Variants in LPCAT1 observed in about 807,000 individuals in gnomAD.
LPCAT1 encodes the protein lysophosphatidylcholine acyltransferase 1.
A neutral mutation model predicts 60.9 loss-of-function variants in LPCAT1; 23 were observed. The ratio of observed to expected loss-of-function variants is 0.38; its 90% confidence interval spans 0.27 to 0.53. The LOEUF is 0.53. Among genes scored for constraint, LPCAT1 ranks in the 20% least tolerant of loss-of-function variants. The pLI is 0.82. For missense variants in LPCAT1, 622 were observed against 723.6 expected (o/e 0.86, Z 1.61); for synonymous variants, 340 against 301.1 (o/e 1.13, Z -1.34).
chr5:1,505,481 G>C (rs1361549230), intron 1 of LPCAT1, among the ~76,000 whole-genome samples: 4 of 152,266 alleles, frequency 2.6e-5, no homozygotes, highest in Non-Finnish European at 5.9e-5. Context: ...AACAGCTCCG[G>C]GGCTGGGGGA....
intron 1 of LPCAT1, among the ~76,000 whole-genome samples, chr5:1,514,252 G>T (rs1344986720): frequency 6.6e-6 from 1 of 152,258 alleles, no homozygotes; most frequent in Non-Finnish European, 1.5e-5. Flanking sequence ...GCCAGGCACA[G>T]GGAGGCCCCA....
At chr5:1,497,578 C>T (rs146205839) in intron 2 of LPCAT1, among the ~76,000 whole-genome samples, 4 of 152,232 alleles carry the variant, frequency 2.6e-5, no homozygotes, top group Admixed American at 1.3e-4. Flanking sequence ...TGGTGATCCA[C>T]GTGGACTGGC....
chr5:1,509,525 G>A (rs1011815342), intron 1 of LPCAT1, among the ~76,000 whole-genome samples: 2 of 152,112 alleles, frequency 1.3e-5, no homozygotes, highest in African/African-American at 4.8e-5. Context: ...CCATCGGACG[G>A]AGCCGGCACT....
Position 1,480,390 on chromosome 5 carries a change from C to T in LPCAT1, c.761+552G>A. On this transcript the variant is annotated intron_variant, in intron 7 of 13. Coordinates refer to ENST00000283415, the MANE Select transcript of LPCAT1 (RefSeq NM_024830.5). This position sits in a 1 kb window ranked among gnomAD's most constrained non-coding sequence, Gnocchi z 6.4. The stretch of plus-strand genomic sequence containing the variant: ...CTCTTGGACTTTCCCGCTCCCTCTG[C>T]CCTCCCGACGTCAGCTCAGACGTCA... 1.0e-6 allele frequency: 1 copy of T among 985,328 alleles called. No individual in the cohort carries two copies. The highest frequency in any genetic ancestry group is 1.2e-6 in the Non-Finnish European group (1 of 829,878). 61.0% of individuals were successfully genotyped at this position (985,328 alleles called of 1,614,324 possible). A position where few individuals can be genotyped will look rare whatever the true frequency, so the allele number is the denominator to read the frequency against.
intron 3 of LPCAT1, among the ~76,000 whole-genome samples, chr5:1,494,344 C>T (rs567769070): frequency 6.6e-6 from 1 of 152,298 alleles, no homozygotes; most frequent in Admixed American, 6.5e-5. Context: ...ACAGGAAACC[C>T]CAACACAGAA....
At chr5:1,499,210 T>C (rs1317515340) in intron 2 of LPCAT1, among the ~76,000 whole-genome samples, 1 of 152,138 alleles carries the variant, frequency 6.6e-6, no homozygotes, top group East Asian at 1.9e-4. Context: ...AAACGGAAAA[T>C]TGCCCCAAGC....
rs1579743309 is a variant in LPCAT1 at position 1,463,568 on chromosome 5, C to T, written c.*83G>A. ...GTGCCTGTACAGCAGGAGTGAGGAG[C>T]GGAGCCCAGAGGTCACTCGCAAAGA... On this transcript the variant is annotated 3_prime_UTR_variant, in exon 14 of 14. Coordinates refer to ENST00000283415, the MANE Select transcript of LPCAT1 (RefSeq NM_024830.5). The T allele has an allele frequency of 3.4e-6, 5 of 1,456,296 alleles. No individual in the cohort carries two copies. The South Asian group carries it at 3.8e-5, about 11-fold the overall frequency. 90.2% of individuals were successfully genotyped at this position (1,456,296 alleles called of 1,614,324 possible).
chr5:1,499,422 C>T (rs1351002052), intron 2 of LPCAT1, among the ~76,000 whole-genome samples: 1 of 152,208 alleles, frequency 6.6e-6, no homozygotes, highest in Non-Finnish European at 1.5e-5. Flanking sequence ...ACAGAACCCC[C>T]ACTTTCTAGC....
chr5:1,515,802 A>G (rs1736491185), intron 1 of LPCAT1, among the ~76,000 whole-genome samples: 1 of 152,010 alleles, frequency 6.6e-6, no homozygotes, highest in East Asian at 2.0e-4. Flanking sequence ...TGTCCCCACA[A>G]TTCTGGGTCT....
chr5:1,509,211 C>A (rs1358117295), intron 1 of LPCAT1, among the ~76,000 whole-genome samples: 1 of 152,286 alleles, frequency 6.6e-6, no homozygotes, highest in Admixed American at 6.5e-5. Flanking sequence ...GCGGCCGGGG[C>A]AGATGCTCAG....
At position 1,461,730 on chromosome 5, in the gene LPCAT1, T is replaced by G. The variant is rs1734102073; in HGVS notation, c.*1921A>C. The stretch of plus-strand genomic sequence containing the variant: ...TTCAAAGTCTGTTTATCAGAGATTT[T>G]TTTTTCTGAAAATGCACAGTGGCAT... On this transcript the variant is annotated 3_prime_UTR_variant, in exon 14 of 14. Transcript: ENST00000283415. 1 of 152,704 alleles carries G rather than the reference T, an allele frequency of 6.5e-6. No homozygotes were observed. The highest frequency in any genetic ancestry group is 1.5e-5 in the Non-Finnish European group (1 of 68,044). The allele number at this position is 152,704 out of a possible 1,614,324, so 9.5% of individuals were successfully genotyped here. A position where few individuals can be genotyped will look rare whatever the true frequency, so the allele number is the denominator to read the frequency against.
At chr5:1,504,868 T>C (rs1238883125) in intron 1 of LPCAT1, among the ~76,000 whole-genome samples, 2 of 152,264 alleles carry the variant, frequency 1.3e-5, no homozygotes, top group Non-Finnish European at 2.9e-5. Context: ...GGTCTGACCC[T>C]GGGGCCACGG....
At chr5:1,486,728 A>C (rs1735384475) in intron 5 of LPCAT1, among the ~76,000 whole-genome samples, 1 of 152,196 alleles carries the variant, frequency 6.6e-6, no homozygotes, top group African/African-American at 2.4e-5. Context: ...CTCACTAAGA[A>C]GTACCCAGCT....
chr5:1,504,063 T>C (rs1190527196), intron 1 of LPCAT1, among the ~76,000 whole-genome samples: 1 of 152,260 alleles, frequency 6.6e-6, no homozygotes, highest in Non-Finnish European at 1.5e-5. Flanking sequence ...AGTTCCTCTT[T>C]CTTCTGCTTT....
intron 5 of LPCAT1, 35 bp downstream of exon 5, chr5:1,488,356 T>A: frequency 7.3e-6 from 10 of 1,362,960 alleles, no homozygotes; most frequent in Non-Finnish European, 1.0e-5. Flanking sequence ...TCCTTTTCTC[T>A]AGGAGAAAAA....
intron 1 of LPCAT1, among the ~76,000 whole-genome samples, chr5:1,520,050 C>G (rs1255357731): frequency 6.6e-6 from 1 of 152,252 alleles, no homozygotes; most frequent in African/African-American, 2.4e-5. Flanking sequence ...ACCCAGGGAC[C>G]CAGTGGGCAG....
chr5:1,474,755 AC>A, intron 9 of LPCAT1, 70 bp from the exon 10 acceptor site: 3 of 1,533,936 alleles, frequency 2.0e-6, no homozygotes, highest in Non-Finnish European at 2.7e-6. Context: ...CACCAGAATA[AC>A]CGCCGATGGC....
intron 1 of LPCAT1, among the ~76,000 whole-genome samples, chr5:1,518,379 C>T (rs115960372): frequency 0.087 from 13,243 of 152,260 alleles, 775 homozygotes; most frequent in Admixed American, 0.14. Context: ...CCGGCTCTGT[C>T]GCCCAGGCTG....
At position 1,469,603 on chromosome 5, in the gene LPCAT1, CCT is replaced by C. The variant is rs541130337; in HGVS notation, c.1278+1221_1278+1222del. On this transcript the variant is annotated intron_variant, in intron 12 of 13. Coordinates refer to ENST00000283415, the MANE Select transcript of LPCAT1 (RefSeq NM_024830.5). Reference sequence around the variant, plus strand: ...ACCAGCCTGGCCAACATGGTGAAACCCTGTTTCTTCTAAAATTACAAAAATTA... The same window carrying C: ...ACCAGCCTGGCCAACATGGTGAAACCGTTTCTTCTAAAATTACAAAAATTA... Among the ~76,000 whole-genome samples, 582 of 152,210 alleles carry C rather than the reference CCT, an allele frequency of 3.8e-3. 3 individuals are homozygous for C. The highest frequency in any genetic ancestry group is 0.013 in the African/African-American group (529 of 41,532).
Sources: gnomAD v4.1 joint callset for allele counts (sites outside exome capture counted in the v4.1 genomes callset) on GRCh38, gnomAD v4.1.1 for gene constraint, Gnocchi (gnomAD v3.1) non-coding constraint, MANE v1.5 for transcripts, NCBI Gene and HGNC (gene_info 2026-07-23, HGNC 2026-07-21) for gene names.